STN1: variants seen among roughly 807,000 people sequenced by gnomAD.
STN1 encodes the protein CST complex subunit STN1.
A neutral mutation model predicts 45.5 loss-of-function variants in STN1; 29 were observed. The ratio of observed to expected loss-of-function variants is 0.64; its 90% CI spans 0.47 to 0.87. The LOEUF is 0.87. STN1 is among the 40% of genes least tolerant of loss of function. The pLI is 0.00. For synonymous variants in STN1, 148 were observed against 159.0 expected (o/e 0.93, Z 0.52); for missense variants, 376 against 441.4 (o/e 0.85, Z 1.33).
At chr10:103,894,070 G>A (rs1214979821) in intron 7 of STN1, among the ~76,000 whole-genome samples, 2 of 152,132 alleles carry the variant, frequency 1.3e-5, no homozygotes, top group African/African-American at 4.8e-5. Context: ...CGAGGCTTAG[G>A]GCAAAACTGT....
At chr10:103,895,470 C>T (rs35007589) in intron 7 of STN1, among the ~76,000 whole-genome samples, 10,802 of 152,240 alleles carry the variant, frequency 0.071, 465 homozygotes, top group Non-Finnish European at 0.1. Flanking sequence ...GGCTTTGAGC[C>T]GCCTCTAAAT....
intron 4 of STN1, 41 bp downstream of exon 4, chr10:103,905,050 T>C: frequency 6.5e-7 from 1 of 1,548,998 alleles, no homozygotes; most frequent in Non-Finnish European, 8.9e-7. Flanking sequence ...TAAAATCCAT[T>C]AGTTAGGTGA....
At chr10:103,901,568 C>T (rs1001532000) in intron 4 of STN1, among the ~76,000 whole-genome samples, 12 of 152,302 alleles carry the variant, frequency 7.9e-5, no homozygotes, top group Non-Finnish European at 1.6e-4. Context: ...ACTTACGCTT[C>T]GGTTTCCTCA....
intron 2 of STN1, among the ~76,000 whole-genome samples, chr10:103,913,829 C>A (rs1307336751): frequency 6.6e-6 from 1 of 151,902 alleles, no homozygotes; most frequent in East Asian, 1.9e-4. Flanking sequence ...TTTCCCAAGG[C>A]CCTTGTGTTC....
intron 8 of STN1, among the ~76,000 whole-genome samples, chr10:103,889,814 C>T (rs10883939): frequency 0.44 from 67,070 of 151,242 alleles, 15,663 homozygotes; most frequent in East Asian, 0.66. Flanking sequence ...GTGATTCTCC[C>T]GCCTCAGCCT....
rs1212543215 is a variant in STN1 at position 103,881,856 on chromosome 10, G to A, written c.*828C>T. 1.3e-5 allele frequency among the ~76,000 whole-genome samples: 2 copies of A among 152,114 alleles called. No homozygotes were observed. Among genetic ancestry groups the A allele is most frequent in the Admixed American group, 1.3e-4 (2 of 15,272 alleles). On this transcript the variant is annotated 3_prime_UTR_variant, in exon 10 of 10. Coordinates refer to ENST00000224950, the MANE Select transcript of STN1 (RefSeq NM_024928.5). ...TCCATCACCTGTCTGGGCACATACC[G>A]AGTCTTTGTCTGGATGGTGTCAGCA... is the stretch of plus-strand genomic sequence containing the variant.
intron 8 of STN1, among the ~76,000 whole-genome samples, chr10:103,891,487 T>A (rs1490761431): frequency 6.6e-6 from 1 of 152,148 alleles, no homozygotes; most frequent in East Asian, 1.9e-4. Flanking sequence ...TGGTCTCTAG[T>A]AGGTGAAGGT....
chr10:103,907,317 T>C (rs1474705334), intron 3 of STN1, among the ~76,000 whole-genome samples: 2 of 152,222 alleles, frequency 1.3e-5, no homozygotes, highest in Non-Finnish European at 2.9e-5. Context: ...ACGTAGTATA[T>C]GAGAATAAAA....
intron 9 of STN1, among the ~76,000 whole-genome samples, chr10:103,887,560 G>T (rs984077372): frequency 1.3e-5 from 2 of 152,118 alleles, no homozygotes; most frequent in African/African-American, 4.8e-5. Flanking sequence ...GAAGCGGGGT[G>T]GTCACAGCAG....
chr10:103,888,322 ACTT>A (rs34210535), intron 9 of STN1, among the ~76,000 whole-genome samples: 9,573 of 152,142 alleles, frequency 0.063, 347 homozygotes, highest in African/African-American at 0.093. Context: ...CTTTTCCAAC[ACTT>A]CTTATTATAG....
rs749313928 is a variant in STN1 at position 103,917,491 on chromosome 10, A to C, written c.104T>G (p.Leu35Arg). The C allele has an allele frequency of 6.2e-7, 1 of 1,613,930 alleles. No homozygotes were observed. Among genetic ancestry groups the C allele is most frequent in the African/African-American group, 1.3e-5 (1 of 75,038 alleles). ...CACCTGGCGGGACTCCTTCATGTCCAGGATATCCCTGATGTAGAGTTTTGC... is the reference window on the plus strand; with the variant it reads ...CACCTGGCGGGACTCCTTCATGTCCCGGATATCCCTGATGTAGAGTTTTGC... ...AFAKLYIRDILDMKESRQVPG... is the reference protein window; with the variant it reads ...AFAKLYIRDIRDMKESRQVPG... The change falls in exon 2 of 10, where the codon CTG (leucine) becomes CGG (arginine). Residue 35 changes from leucine to arginine, a missense_variant. Leu to Arg is a moderately radical substitution (Grantham distance 102). Coordinates refer to ENST00000224950, the MANE Select transcript of STN1 (RefSeq NM_024928.5).
chr10:103,895,918 G>C (rs1843168041), intron 7 of STN1, among the ~76,000 whole-genome samples: 1 of 152,208 alleles, frequency 6.6e-6, no homozygotes, highest in African/African-American at 2.4e-5. Context: ...GTACGGCTAG[G>C]AAAGAATCTG....
In STN1 at chr10:103,910,996, T is replaced by C. The variant is rs568600982; in HGVS notation, c.134-374A>G. Among the ~76,000 whole-genome samples the C allele has an allele frequency of 1.9e-4, 26 of 135,648 alleles. No individual in the cohort carries two copies. In the East Asian group the frequency reaches 5.5e-3, roughly 29 times the overall value. 89.0% of individuals were successfully genotyped at this position (135,648 alleles called of 152,430 possible). A position where few individuals can be genotyped will look rare whatever the true frequency, so the allele number is the denominator to read the frequency against. On this transcript the variant is annotated intron_variant, in intron 2 of 9. Coordinates refer to ENST00000224950, the MANE Select transcript of STN1 (RefSeq NM_024928.5). ...CTAGAAGGAAAGAGAGAGGAAACCA[T>C]GAGAAAGGCTTCTTTGGCTTTTTTT...
At position 103,880,824 on chromosome 10, in the gene STN1, T is replaced by C. The variant is rs1056364214; in HGVS notation, c.*1860A>G. Among the ~76,000 whole-genome samples the C allele has an allele frequency of 6.6e-6, 1 of 152,190 alleles. No individual in the cohort carries two copies. Among genetic ancestry groups the C allele is most frequent in the Non-Finnish European group, 1.5e-5 (1 of 68,036 alleles). On this transcript the variant is annotated 3_prime_UTR_variant, in exon 10 of 10. Coordinates refer to ENST00000224950, the MANE Select transcript of STN1 (RefSeq NM_024928.5). ...GAGAAGGAGCAACCAGAGAGCTTGG[T>C]GTCCTGAAAGCCAAACGCGGAAAGT...
intron 8 of STN1, among the ~76,000 whole-genome samples, chr10:103,890,810 G>T (rs1341864099): frequency 6.6e-6 from 1 of 152,202 alleles, no homozygotes; most frequent in East Asian, 1.9e-4. Context: ...ATTAAGAAAA[G>T]CTCCCCGTCA....
chr10:103,893,169 A>T (rs1843150681), intron 7 of STN1, among the ~76,000 whole-genome samples: 1 of 152,046 alleles, frequency 6.6e-6, no homozygotes, highest in Non-Finnish European at 1.5e-5. Flanking sequence ...TGCTCTTCAA[A>T]GTACAGATCC....
intron 8 of STN1, among the ~76,000 whole-genome samples, chr10:103,891,581 G>T (rs1038780614): frequency 6.6e-6 from 1 of 152,212 alleles, no homozygotes; most frequent in Non-Finnish European, 1.5e-5. Context: ...TTCAGATTGA[G>T]AAGTGTCAAT....
chr10:103,905,701 C>T (rs1352575379), intron 3 of STN1, among the ~76,000 whole-genome samples: 2 of 152,098 alleles, frequency 1.3e-5, no homozygotes, highest in Non-Finnish European at 2.9e-5. Context: ...GATCTTTTGC[C>T]CAGTCCTCAC....
chr10:103,896,017 T>A (rs1843168855), intron 7 of STN1, among the ~76,000 whole-genome samples: 1 of 152,166 alleles, frequency 6.6e-6, no homozygotes, highest in African/African-American at 2.4e-5. Context: ...TACAGTGACT[T>A]AGAGTACACA....
Sources: gnomAD v4.1 joint callset for allele counts (sites outside exome capture counted in the v4.1 genomes callset) on GRCh38, gnomAD v4.1.1 for gene constraint, MANE v1.5 for transcripts, NCBI Gene and HGNC (gene_info 2026-07-23, HGNC 2026-07-21) for gene names.